Variants in STAP1 observed in about 807,000 individuals in gnomAD.
The protein encoded by STAP1 is signal transducing adaptor family member 1.
Under a neutral mutation model 37.8 loss-of-function variants are expected in STAP1, and 30 were observed. The ratio of observed to expected loss-of-function variants is 0.79; its 90% CI spans 0.59 to 1.08. STAP1 has a LOEUF of 1.08. Among genes scored for constraint, STAP1 ranks in the 50% least tolerant of loss-of-function variants. STAP1 has a pLI of 0.00. For synonymous variants in STAP1, 130 were observed against 116.0 expected (o/e 1.12, Z -0.78); for missense variants, 357 against 349.4 (o/e 1.02, Z -0.17).
rs949007224 is a variant in STAP1 at position 67,561,362 on chromosome 4, A to C, written c.120+2433A>C. Among the ~76,000 whole-genome samples, 3 of 152,220 alleles carry C rather than the reference A, an allele frequency of 2.0e-5. No individual in the cohort carries two copies. The East Asian group carries it at 5.8e-4, about 29-fold the overall frequency. ...AAGGTGAGAGGCTCTGCAGAATGTAAAGTTGGGTCTCTGCCAAAGTCATTC... is the reference window on the plus strand; with the variant it reads ...AAGGTGAGAGGCTCTGCAGAATGTACAGTTGGGTCTCTGCCAAAGTCATTC... On this transcript the variant is annotated intron_variant, in intron 1 of 8. Transcript: ENST00000265404.
Position 67,606,313 on chromosome 4 carries a change from G to T in STAP1, c.844G>T (p.Glu282Ter). Residue 282 changes from glutamate (E) to a stop codon, truncating the protein, a stop_gained, in exon 9 of 9, where the codon GAA becomes TAA. Transcript: ENST00000265404. LOFTEE classifies it high-confidence loss of function. ...DENTGQEPSM[E>*]GRSEKLKKNP... The stretch of plus-strand genomic sequence containing the variant: ...ATTTCTAGGTCAAGAACCCAGTATG[G>T]AAGGGAGAAGTGAAAAGTTGAAGAA... The T allele has an allele frequency of 6.2e-7, 1 of 1,612,466 alleles. No homozygotes were observed. Among genetic ancestry groups the T allele is most frequent in the Non-Finnish European group, 8.5e-7 (1 of 1,179,396 alleles).
intron 4 of STAP1, among the ~76,000 whole-genome samples, chr4:67,578,804 CAG>C (rs1375400381): frequency 3.3e-5 from 5 of 150,184 alleles, no homozygotes; most frequent in African/African-American, 9.8e-5. Context: ...AAATAAGTAA[CAG>C]AATATAAAAT....
intron 8 of STAP1, among the ~76,000 whole-genome samples, chr4:67,599,934 G>C (rs1728305153): frequency 6.6e-6 from 1 of 152,032 alleles, no homozygotes; most frequent in African/African-American, 2.4e-5. Context: ...GAGCCACCAT[G>C]CCTGGCTTAT....
At chr4:67,565,411 C>T (rs887868808) in intron 1 of STAP1, among the ~76,000 whole-genome samples, 1 of 152,300 alleles carries the variant, frequency 6.6e-6, no homozygotes, top group East Asian at 1.9e-4. Flanking sequence ...TCCTCCTTCT[C>T]ATACATATTA....
chr4:67,576,217 T>C (rs1727716933), intron 3 of STAP1, among the ~76,000 whole-genome samples: 1 of 152,160 alleles, frequency 6.6e-6, no homozygotes, highest in Non-Finnish European at 1.5e-5. Flanking sequence ...GTTTTTCTCC[T>C]CTCCTATGCC....
At chr4:67,568,179 G>A (rs185676320) in intron 1 of STAP1, among the ~76,000 whole-genome samples, 39 of 152,158 alleles carry the variant, frequency 2.6e-4, no homozygotes, top group African/African-American at 8.2e-4. Context: ...CTGAAGAGTC[G>A]ACAAACATTT....
intron 6 of STAP1, among the ~76,000 whole-genome samples, chr4:67,585,759 T>C (rs1410776869): frequency 3.9e-5 from 6 of 152,242 alleles, no homozygotes; most frequent in Non-Finnish European, 8.8e-5. Context: ...AGAAATCATT[T>C]TTCTTATTGT....
intron 2 of STAP1, among the ~76,000 whole-genome samples, chr4:67,572,534 GC>G (rs1308803470): frequency 1.3e-5 from 2 of 152,192 alleles, no homozygotes; most frequent in African/African-American, 4.8e-5. Flanking sequence ...AGGGTACGGA[GC>G]CCCTTGATGT....
rs947627979 is a variant in STAP1 at position 67,599,326 on chromosome 4, G to A, written c.826+5970G>A. Reference sequence around the variant, plus strand: ...ACATTTGATAGAATTCAGCAGTGAAGCCATTGGGTCCCAGGCTCTTCTTTG... The same window carrying A: ...ACATTTGATAGAATTCAGCAGTGAAACCATTGGGTCCCAGGCTCTTCTTTG... On this transcript the variant is annotated intron_variant, in intron 8 of 8. Transcript: ENST00000265404. 8.5e-5 allele frequency among the ~76,000 whole-genome samples: 13 copies of A among 152,286 alleles called. No individual in the cohort carries two copies. The South Asian group carries it at 1.9e-3, about 22-fold the overall frequency.
intron 2 of STAP1, among the ~76,000 whole-genome samples, chr4:67,574,399 C>A (rs1427418512): frequency 6.6e-6 from 1 of 151,956 alleles, no homozygotes; most frequent in Admixed American, 6.6e-5. Flanking sequence ...CTAATATTTT[C>A]ATTTACATTA....
In STAP1 at chr4:67,593,331, T is replaced by C. The variant is rs1338579408; in HGVS notation, c.801T>C (p.Phe267=). Residue 267 remains phenylalanine (F), a synonymous_variant, in exon 8 of 9, where the codon TTT becomes TTC. Transcript: ENST00000265404. ...AGACTCGAGGAAATTTAAGACCATT[T>C]ATATGTTCAACTGATGAAAACACTG... ...VKETRGNLRP[F]ICSTDENTGQ... is the part of the protein sequence containing the mutation. 3.7e-6 allele frequency: 6 copies of C among 1,612,624 alleles called. No individual in the cohort carries two copies. Among genetic ancestry groups the C allele is most frequent in the Middle Eastern group, 1.6e-4 (1 of 6,076 alleles).
intron 8 of STAP1, among the ~76,000 whole-genome samples, chr4:67,597,791 G>A (rs1386410765): frequency 6.6e-6 from 1 of 152,148 alleles, no homozygotes; most frequent in Non-Finnish European, 1.5e-5. Context: ...ATTTTGAATG[G>A]CTGTATTTAC....
intron 5 of STAP1, among the ~76,000 whole-genome samples, chr4:67,582,304 TTTTTTTTG>T (rs1269618906): frequency 1.5e-5 from 2 of 131,436 alleles, no homozygotes; most frequent in Non-Finnish European, 3.4e-5. Flanking sequence ...CATTTTAGTT[TTTTTTTTG>T]TTTTTTTTGT....
intron 6 of STAP1, among the ~76,000 whole-genome samples, chr4:67,585,577 T>C (rs192387097): frequency 7.9e-4 from 121 of 152,376 alleles, no homozygotes; most frequent in Admixed American, 1.2e-3. Context: ...ATTTCTACAA[T>C]GAATGTCTGT....
rs552883625 is a variant in STAP1, at chr4:67,596,749, T to C, written c.826+3393T>C. On this transcript the variant is annotated intron_variant, in intron 8 of 8. Transcript: ENST00000265404. ...TGAACGTGAGAGAGATAATTTAGGG[T>C]ATCTGGCAGAAGAAACTTCTAAGCA... is the stretch of plus-strand genomic sequence containing the variant. 9.2e-5 allele frequency among the ~76,000 whole-genome samples: 14 copies of C among 152,296 alleles called. No individual in the cohort carries two copies. In the East Asian group the frequency reaches 2.5e-3, roughly 27 times the overall value.
chr4:67,603,355 C>T (rs1217931861), intron 8 of STAP1, among the ~76,000 whole-genome samples: 3 of 152,176 alleles, frequency 2.0e-5, no homozygotes, highest in Non-Finnish European at 4.4e-5. Context: ...CAAGGCCCTG[C>T]TTGGTGTTCT....
At chr4:67,566,678 T>A (rs993178052) in intron 1 of STAP1, among the ~76,000 whole-genome samples, 1 of 152,004 alleles carries the variant, frequency 6.6e-6, no homozygotes, top group African/African-American at 2.4e-5. Flanking sequence ...GCAGAATAGA[T>A]TCGAAAGTAG....
chr4:67,560,294 A>G (rs571814963), intron 1 of STAP1, among the ~76,000 whole-genome samples: 2 of 152,160 alleles, frequency 1.3e-5, no homozygotes, highest in African/African-American at 4.8e-5. Flanking sequence ...AATCTCCTTG[A>G]GACTGTTTCA....
chr4:67,590,739 C>G (rs531182850), intron 6 of STAP1, 145 bp from the exon 7 acceptor site: 1 of 457,674 alleles, frequency 2.2e-6, no homozygotes, highest in Non-Finnish European at 3.5e-6. Flanking sequence ...TAAAAAACCA[C>G]GAAGGATTTT....
Sources: gnomAD v4.1 joint callset for allele counts (sites outside exome capture counted in the v4.1 genomes callset) on GRCh38, gnomAD v4.1.1 for gene constraint, MANE v1.5 for transcripts, NCBI Gene and HGNC (gene_info 2026-07-23, HGNC 2026-07-21) for gene names.